The following HIP1 variants were observed in gnomAD, a reference collection of about 807,000 sequenced individuals.
The protein encoded by HIP1 is huntingtin interacting protein 1.
In HIP1, 65 loss-of-function variants were observed where a neutral mutation model predicts 147.6. The ratio of observed to expected loss-of-function variants is 0.44; its 90% confidence interval spans 0.36 to 0.54. HIP1 has a LOEUF of 0.54. Among genes scored for constraint, HIP1 ranks in the 20% least tolerant of loss-of-function variants. The pLI, the probability that HIP1 is intolerant of heterozygous loss-of-function variation, is 0.00. For synonymous variants in HIP1, 479 were observed against 504.0 expected (o/e 0.95, Z 0.67); for missense variants, 1,061 against 1,299.6 (o/e 0.82, Z 2.82).
At chr7:75,670,741 G>T (rs1398849774) in intron 1 of HIP1, among the ~76,000 whole-genome samples, 2 of 151,312 alleles carry the variant, frequency 1.3e-5, no homozygotes, top group African/African-American at 4.9e-5. Flanking sequence ...AGCCTCCAAA[G>T]TAGCTGGGAC....
chr7:75,596,766 A>G (rs1796763226), intron 2 of HIP1, among the ~76,000 whole-genome samples: 1 of 152,174 alleles, frequency 6.6e-6, no homozygotes, highest in African/African-American at 2.4e-5. Context: ...TCCCAGAGTG[A>G]GCCCGAGAGT....
chr7:75,715,458 C>CAG (rs1164089551), intron 1 of HIP1, among the ~76,000 whole-genome samples: 2,228 of 106,544 alleles, frequency 0.021, 24 homozygotes, highest in Middle Eastern at 0.044. Context: ...GAGACACACA[C>CAG]AGAGAGAGAG....
At chr7:75,723,615 G>A (rs1801563659) in intron 1 of HIP1, among the ~76,000 whole-genome samples, 1 of 152,092 alleles carries the variant, frequency 6.6e-6, no homozygotes, top group Non-Finnish European at 1.5e-5. Context: ...TTAGCTCCTA[G>A]AGGCCTCCCT....
chr7:75,645,522 C>A (rs533049180), intron 1 of HIP1, among the ~76,000 whole-genome samples: 3 of 152,138 alleles, frequency 2.0e-5, no homozygotes, highest in Non-Finnish European at 4.4e-5. Flanking sequence ...CCACTGCACC[C>A]GGCCTGGATT....
At chr7:75,577,301 C>T (rs1479310145) in intron 7 of HIP1, among the ~76,000 whole-genome samples, 2 of 138,384 alleles carry the variant, frequency 1.4e-5, no homozygotes, top group African/African-American at 2.8e-5. Flanking sequence ...CACAGTACTC[C>T]AGCCTCGGCG....
At chr7:75,738,691 C>A in intron 1 of HIP1, 110 bp downstream of exon 1, 3 of 1,297,992 alleles carry the variant, frequency 2.3e-6, no homozygotes, top group Non-Finnish European at 1.1e-6. Flanking sequence ...ACTACACCCT[C>A]GCCCCGTCTT....
intron 1 of HIP1, among the ~76,000 whole-genome samples, chr7:75,606,258 C>T (rs1554503808): frequency 6.6e-6 from 1 of 152,136 alleles, no homozygotes; most frequent in African/African-American, 2.4e-5. Context: ...TTCAGTAGGA[C>T]TGGCAGATAG....
intron 5 of HIP1, among the ~76,000 whole-genome samples, chr7:75,584,042 C>T (rs1294564460): frequency 6.6e-6 from 1 of 151,280 alleles, no homozygotes; most frequent in Non-Finnish European, 1.5e-5. Context: ...CTCACTGCAA[C>T]CTCAGCCCCT....
intron 1 of HIP1, among the ~76,000 whole-genome samples, chr7:75,738,214 A>T (rs1802086941): frequency 6.6e-6 from 1 of 151,278 alleles, no homozygotes; most frequent in African/African-American, 2.4e-5. Flanking sequence ...CATTTCCTAC[A>T]TTCCTTTTCC....
intron 1 of HIP1, among the ~76,000 whole-genome samples, chr7:75,675,523 G>GT (rs1214082781): frequency 1.8e-4 from 28 of 151,750 alleles, no homozygotes; most frequent in African/African-American, 6.3e-4. Context: ...TTTTGTTTCA[G>GT]TTTTTGTATT....
intron 14 of HIP1, among the ~76,000 whole-genome samples, chr7:75,558,881 T>C (rs1428160630): frequency 2.0e-5 from 3 of 152,068 alleles, no homozygotes; most frequent in Non-Finnish European, 4.4e-5. Flanking sequence ...CAGCTGGACA[T>C]GGTGGTGTGT....
chr7:75,668,419 G>A (rs1430788109), intron 1 of HIP1, among the ~76,000 whole-genome samples: 1 of 152,186 alleles, frequency 6.6e-6, no homozygotes, highest in African/African-American at 2.4e-5. Flanking sequence ...CTGCCTCCCA[G>A]GTTCAAGTGA....
Position 75,573,877 on chromosome 7 carries a change from C to A in HIP1, c.629G>T (p.Arg210Leu), listed in dbSNP as rs587639717. Residue 210 changes from arginine (R) to leucine (L), a missense_variant, in exon 8 of 31, where the codon CGC (arginine) becomes CTC (leucine). Arg to Leu is a moderately radical substitution (Grantham distance 102). Coordinates refer to ENST00000336926, the MANE Select transcript of HIP1 (RefSeq NM_005338.7). The stretch of plus-strand genomic sequence containing the variant: ...CCCTGCTGCCGTCACGGACACAGAG[C>A]GGGACATGTCCAGGGAGTTGAATAC... ...QTVFNSLDMSRSVSVTAAGQC... is the reference protein window; with the variant it reads ...QTVFNSLDMSLSVSVTAAGQC... 6.2e-7 allele frequency: 1 copy of A among 1,613,734 alleles called. No homozygotes were observed. The highest frequency in any genetic ancestry group is 8.5e-7 in the Non-Finnish European group (1 of 1,179,886).
intron 30 of HIP1, among the ~76,000 whole-genome samples, chr7:75,538,663 C>T (rs1444481674): frequency 5.3e-5 from 8 of 151,514 alleles, no homozygotes; most frequent in Admixed American, 4.0e-4. Context: ...CAAGCTCCGC[C>T]TCCCGGGTTC....
At chr7:75,583,533 T>C (rs1796134658) in intron 5 of HIP1, among the ~76,000 whole-genome samples, 1 of 152,056 alleles carries the variant, frequency 6.6e-6, no homozygotes, top group African/African-American at 2.4e-5. Context: ...AGGCGCTTCA[T>C]CCTGATTACG....
At chr7:75,694,343 T>C (rs1351190415) in intron 1 of HIP1, among the ~76,000 whole-genome samples, 3 of 152,188 alleles carry the variant, frequency 2.0e-5, no homozygotes, top group Non-Finnish European at 4.4e-5. Flanking sequence ...TCATTTATTA[T>C]GCTGGGCATG....
At chr7:75,645,850 A>G (rs1251796622) in intron 1 of HIP1, among the ~76,000 whole-genome samples, 1 of 152,188 alleles carries the variant, frequency 6.6e-6, no homozygotes, top group African/African-American at 2.4e-5. Flanking sequence ...CAGAAAACCA[A>G]ATACTGCATG....
chr7:75,599,167 A>G lies in HIP1; in HGVS notation c.184+17T>C, dbSNP rs782719911. On this transcript the variant is annotated intron_variant, in intron 2 of 30. Coordinates refer to ENST00000336926, the MANE Select transcript of HIP1 (RefSeq NM_005338.7). Reference sequence around the variant, plus strand: ...CTCCCTCAGGGTCGGTCTTCCAAGCAACATCCAAAAGGATATTTCTGGCGT... The same window carrying G: ...CTCCCTCAGGGTCGGTCTTCCAAGCGACATCCAAAAGGATATTTCTGGCGT... The G allele has an allele frequency of 1.2e-6, 2 of 1,604,750 alleles. No homozygotes were observed. Among genetic ancestry groups the G allele is most frequent in the South Asian group, 2.2e-5 (2 of 90,858 alleles).
intron 1 of HIP1, among the ~76,000 whole-genome samples, chr7:75,668,109 AACTC>A (rs58278939): frequency 0.57 from 86,203 of 151,780 alleles, 24,926 homozygotes; most frequent in African/African-American, 0.66. Context: ...GACCTTTGCT[AACTC>A]GCAGCTATTT....
Sources: allele counts gnomAD v4.1 joint callset (sites outside exome capture counted in the v4.1 genomes callset), GRCh38; gene constraint gnomAD v4.1.1; transcripts MANE v1.5; gene names NCBI Gene and HGNC (gene_info 2026-07-23, HGNC 2026-07-21).